Variants in SERPINB8 observed in about 807,000 individuals in gnomAD.
SERPINB8 encodes serpin B8.
In SERPINB8, 25 loss-of-function variants were observed where a neutral mutation model predicts 35.3. That is an observed-to-expected ratio of 0.71 (90% CI 0.52 to 0.99). The LOEUF (loss-of-function observed/expected upper bound fraction) is 0.99. Among genes scored for constraint, SERPINB8 ranks in the 50% least tolerant of loss-of-function variants. The probability of loss-of-function intolerance (pLI) is 0.00; values close to 1 mark genes in which losing one functional copy is unlikely to be tolerated. For synonymous variants in SERPINB8, 186 were observed against 160.8 expected (o/e 1.16, Z -1.19); for missense variants, 484 against 446.5 (o/e 1.08, Z -0.76).
chr18:63,987,043 C>G lies in SERPINB8; in HGVS notation c.890C>G (p.Ala297Gly), dbSNP rs779449233. ...ATCGATGCTTTTGACGAAGCCAAGG[C>G]AGACTTTTCTGGAATGTCAACTGAG... Reference protein sequence around the residue: ...GMIDAFDEAKADFSGMSTEKN... With the variant: ...GMIDAFDEAKGDFSGMSTEKN... The change falls in exon 7 of 7, where the codon GCA becomes GGA. Residue 297 changes from alanine to glycine, a missense_variant. Physicochemically the swap from Ala to Gly is moderately conservative, Grantham distance 60. Transcript: ENST00000397985. 2.5e-6 allele frequency: 4 copies of G among 1,614,184 alleles called. No homozygotes were observed. In the East Asian group the frequency reaches 8.9e-5, roughly 36 times the overall value.
At chr18:63,975,087 T>A (rs954114933) in intron 1 of SERPINB8, among the ~76,000 whole-genome samples, 6 of 150,064 alleles carry the variant, frequency 4.0e-5, no homozygotes, top group Non-Finnish European at 7.4e-5. Context: ...GATTCAATAG[T>A]TCAGACAGGA....
At chr18:63,990,570 G>A (rs1206133660), downstream of SERPINB8, among the ~76,000 whole-genome samples, 1 of 151,416 alleles carries the variant, frequency 6.6e-6, no homozygotes, top group Non-Finnish European at 1.5e-5. Flanking sequence ...CAATGTGCAG[G>A]TTTGTTACAT....
At chr18:64,007,492 A>G (rs916497706), downstream of SERPINB8, among the ~76,000 whole-genome samples, 4 of 152,204 alleles carry the variant, frequency 2.6e-5, no homozygotes, top group Non-Finnish European at 5.9e-5. Flanking sequence ...AGCTAATATA[A>G]CTTTGATACC....
intron 1 of SERPINB8, among the ~76,000 whole-genome samples, chr18:63,971,734 A>T (rs1281520978): frequency 6.6e-6 from 1 of 152,112 alleles, no homozygotes; most frequent in African/African-American, 2.4e-5. Context: ...GCCCCAATGC[A>T]CTCATATGAG....
At position 63,979,295 on chromosome 18, in the gene SERPINB8, G is replaced by A. The variant is rs538173864; in HGVS notation, c.169-506G>A. On this transcript the variant is annotated intron_variant, in intron 2 of 6. Coordinates refer to ENST00000397985, the MANE Select transcript of SERPINB8 (RefSeq NM_002640.4). The stretch of plus-strand genomic sequence containing the variant: ...TGGTCTGGAGAACTTCTGTAAAATT[G>A]CAGATGAAACATTTTTAGTTTTATT... 3.9e-5 allele frequency among the ~76,000 whole-genome samples: 6 copies of A among 152,296 alleles called. No individual in the cohort carries two copies. In the East Asian group the frequency reaches 1.2e-3, roughly 29 times the overall value.
chr18:63,972,961 G>A (rs1474932978), intron 1 of SERPINB8, among the ~76,000 whole-genome samples: 1 of 152,226 alleles, frequency 6.6e-6, no homozygotes, highest in Non-Finnish European at 1.5e-5. Context: ...ACATGTGCAT[G>A]TGTCTTTGTA....
intron 1 of SERPINB8, among the ~76,000 whole-genome samples, chr18:63,977,177 C>G (rs1169024023): frequency 1.3e-5 from 2 of 152,124 alleles, no homozygotes; most frequent in African/African-American, 2.4e-5. Context: ...ACTGTGGGTG[C>G]CAGGCGTTTA....
downstream of SERPINB8, among the ~76,000 whole-genome samples, chr18:63,989,849 A>G (rs1414615339): frequency 2.7e-3 from 375 of 140,428 alleles, 3 homozygotes; most frequent in Admixed American, 0.01. Context: ...AGGCTGAGGC[A>G]GGAGAATGGC....
chr18:64,007,574 T>C (rs2050905916), downstream of SERPINB8, among the ~76,000 whole-genome samples: 1 of 152,232 alleles, frequency 6.6e-6, no homozygotes, highest in Non-Finnish European at 1.5e-5. Flanking sequence ...AGAGGCTTAA[T>C]TGGCTCATGG....
chr18:64,008,312 G>A (rs1222735745), downstream of SERPINB8, among the ~76,000 whole-genome samples: 2 of 151,994 alleles, frequency 1.3e-5, no homozygotes, highest in East Asian at 1.9e-4. Context: ...GCATGATCTC[G>A]GCTCACTGCA....
chr18:64,006,903 T>G (rs1340785084), downstream of SERPINB8, among the ~76,000 whole-genome samples: 1 of 152,048 alleles, frequency 6.6e-6, no homozygotes, highest in African/African-American at 2.4e-5. Flanking sequence ...GAAAAAAACC[T>G]ATGCATCCAA....
intron 1 of SERPINB8, among the ~76,000 whole-genome samples, chr18:64,001,777 G>A (rs181207039): frequency 6.6e-6 from 1 of 152,174 alleles, no homozygotes; most frequent in Non-Finnish European, 1.5e-5. Context: ...GTGAGCCACC[G>A]CGCCCGACCC....
At chr18:64,014,920 A>G (rs1053523730) in intron 7 of SERPINB8, among the ~76,000 whole-genome samples, 17 of 152,186 alleles carry the variant, frequency 1.1e-4, no homozygotes, top group African/African-American at 4.1e-4. Context: ...AGTCAGCCTC[A>G]GGCCCTCTCC....
intron 1 of SERPINB8, among the ~76,000 whole-genome samples, chr18:63,973,571 CTA>C (rs1377419707): frequency 1.3e-5 from 2 of 152,166 alleles, no homozygotes; most frequent in Non-Finnish European, 2.9e-5. Flanking sequence ...TTGCCCATGG[CTA>C]TGTCCTGAAT....
chr18:63,978,576 C>G, intron 2 of SERPINB8, 100 bp downstream of exon 2: 1 of 1,402,796 alleles, frequency 7.1e-7, no homozygotes, highest in Non-Finnish European at 9.8e-7. Context: ...GCCTGTGGAG[C>G]TGGAGGTAGA....
chr18:63,982,093 C>T (rs191879635), intron 4 of SERPINB8, among the ~76,000 whole-genome samples: 12 of 152,310 alleles, frequency 7.9e-5, no homozygotes, highest in African/African-American at 2.4e-4. Context: ...TGGAAAATGG[C>T]TCCTCCTTGG....
downstream of SERPINB8, among the ~76,000 whole-genome samples, chr18:63,991,415 T>C (rs1466100874): frequency 1.3e-5 from 2 of 151,478 alleles, no homozygotes; most frequent in East Asian, 1.9e-4. Context: ...GTTTTCAGTA[T>C]ACAAGTCTGG....
At chr18:63,993,777 G>A (rs1341702903), downstream of SERPINB8, among the ~76,000 whole-genome samples, 1 of 152,194 alleles carries the variant, frequency 6.6e-6, no homozygotes, top group African/African-American at 2.4e-5. Flanking sequence ...AAGCTGCCCT[G>A]CTCACAGATT....
chr18:63,990,666 C>CT (rs1025503466), downstream of SERPINB8, among the ~76,000 whole-genome samples: 8 of 149,686 alleles, frequency 5.3e-5, no homozygotes, highest in Admixed American at 4.0e-4. Context: ...TCCCTCATCC[C>CT]TCCCCCCCAC....
Sources: gnomAD v4.1 joint callset for allele counts (sites outside exome capture counted in the v4.1 genomes callset) on GRCh38, gnomAD v4.1.1 for gene constraint, MANE v1.5 for transcripts, NCBI Gene and HGNC (gene_info 2026-07-23, HGNC 2026-07-21) for gene names.